CPPED1: variants seen among roughly 807,000 people sequenced by gnomAD.
CPPED1 encodes the protein serine/threonine-protein phosphatase CPPED1.
Under a neutral mutation model 28.0 loss-of-function variants are expected in CPPED1, and 28 were observed. The observed-to-expected ratio is 1.00, with a 90% CI of 0.74 to 1.37. CPPED1 has a LOEUF of 1.37. Among genes scored for constraint, CPPED1 ranks in the 40% most tolerant of loss-of-function variants. The pLI, the probability that CPPED1 is intolerant of heterozygous loss-of-function variation, is 0.00. For synonymous variants in CPPED1, 198 were observed against 180.2 expected, an observed-to-expected ratio of 1.10 and a Z score of -0.79; for missense variants, 504 against 416.5, an observed-to-expected ratio of 1.21 and a Z score of -1.83.
chr16:12,708,802 G>A (rs1004059896), intron 2 of CPPED1, among the ~76,000 whole-genome samples: 5 of 152,204 alleles, frequency 3.3e-5, no homozygotes, highest in African/African-American at 1.2e-4. Context: ...CATTGTGGCT[G>A]GGTGCAGTGG....
intron 2 of CPPED1, among the ~76,000 whole-genome samples, chr16:12,768,853 C>T (rs2080453819): frequency 6.6e-6 from 1 of 150,628 alleles, no homozygotes; most frequent in Non-Finnish European, 1.5e-5. Flanking sequence ...AACTCACTGC[C>T]ATTTTTTCTT....
At chr16:12,743,234 G>A (rs1254256586) in intron 2 of CPPED1, among the ~76,000 whole-genome samples, 1 of 152,068 alleles carries the variant, frequency 6.6e-6, no homozygotes, top group Non-Finnish European at 1.5e-5. Context: ...AGTCTTTTCT[G>A]CACAGAAAGA....
chr16:12,784,388 C>T (rs1266762211), intron 1 of CPPED1, among the ~76,000 whole-genome samples: 1 of 152,124 alleles, frequency 6.6e-6, no homozygotes, highest in African/African-American at 2.4e-5. Flanking sequence ...CTAAGCTGTA[C>T]CCAGATTCCT....
At chr16:12,729,149 A>C (rs1017131248) in intron 2 of CPPED1, among the ~76,000 whole-genome samples, 15 of 152,012 alleles carry the variant, frequency 9.9e-5, no homozygotes, top group Non-Finnish European at 5.9e-5. Context: ...AGCATATATC[A>C]TTAGTTCTTT....
intron 1 of CPPED1, among the ~76,000 whole-genome samples, chr16:12,791,826 T>C (rs1009539186): frequency 6.6e-6 from 1 of 152,222 alleles, no homozygotes; most frequent in Non-Finnish European, 1.5e-5. Context: ...GCTTTTATTA[T>C]TGAGTCTGGC....
chr16:12,737,443 T>C (rs1034452161), intron 2 of CPPED1, among the ~76,000 whole-genome samples: 8 of 152,032 alleles, frequency 5.3e-5, no homozygotes, highest in South Asian at 4.1e-4. Flanking sequence ...TGACAGGAGA[T>C]ACAGCAGGCA....
At chr16:12,761,545 C>G (rs922414191) in intron 2 of CPPED1, among the ~76,000 whole-genome samples, 2 of 152,048 alleles carry the variant, frequency 1.3e-5, no homozygotes, top group South Asian at 4.2e-4. Flanking sequence ...TTCTAGTAGC[C>G]GCTTAGGTTT....
intron 3 of CPPED1, among the ~76,000 whole-genome samples, chr16:12,688,116 A>C (rs1425739111): frequency 6.6e-6 from 1 of 151,012 alleles, no homozygotes; most frequent in Non-Finnish European, 1.5e-5. Flanking sequence ...TGCAGCCTCG[A>C]CCACCCCAGG....
chr16:12,756,086 G>A (rs1004192924), intron 2 of CPPED1, among the ~76,000 whole-genome samples: 2 of 151,040 alleles, frequency 1.3e-5, no homozygotes, highest in African/African-American at 2.5e-5. Flanking sequence ...AGCCAAGATC[G>A]CGCTACTGCA....
intron 2 of CPPED1, among the ~76,000 whole-genome samples, chr16:12,749,489 G>C (rs537432292): frequency 6.6e-6 from 1 of 152,266 alleles, no homozygotes; most frequent in African/African-American, 2.4e-5. Context: ...GTCTTCTACT[G>C]AAGTCTTAAA....
intron 3 of CPPED1, among the ~76,000 whole-genome samples, chr16:12,699,718 G>C (rs1014966119): frequency 6.6e-6 from 1 of 152,108 alleles, no homozygotes; most frequent in African/African-American, 2.4e-5. Context: ...ATGAGCTTTT[G>C]ACATATTTTT....
At chr16:12,787,214 A>T (rs7405332) in intron 1 of CPPED1, among the ~76,000 whole-genome samples, 107,043 of 151,994 alleles carry the variant, frequency 0.7, 38,930 homozygotes, top group African/African-American at 0.9. Flanking sequence ...AAGAAAAAAG[A>T]ATTGATTAAG....
chr16:12,710,169 G>T (rs149569253), intron 2 of CPPED1, among the ~76,000 whole-genome samples: 1 of 152,214 alleles, frequency 6.6e-6, no homozygotes, highest in African/African-American at 2.4e-5. Context: ...AATTAGCTTG[G>T]ATGCAAAGTA....
chr16:12,731,320 A>AT (rs2080196123), intron 2 of CPPED1, among the ~76,000 whole-genome samples: 1 of 150,860 alleles, frequency 6.6e-6, no homozygotes, highest in African/African-American at 2.4e-5. Context: ...CGCCTGGCTG[A>AT]TTTTTTGTAT....
At chr16:12,790,650 G>C (rs34325893) in intron 1 of CPPED1, among the ~76,000 whole-genome samples, 3,738 of 152,242 alleles carry the variant, frequency 0.025, 105 homozygotes, top group East Asian at 0.14. Flanking sequence ...GCCGGTCGCG[G>C]TGGCTCACGC....
At chr16:12,741,980 C>G (rs1454360580) in intron 2 of CPPED1, among the ~76,000 whole-genome samples, 1 of 152,014 alleles carries the variant, frequency 6.6e-6, no homozygotes, top group African/African-American at 2.4e-5. Flanking sequence ...GCGGGACAAT[C>G]GCTTGAACCT....
intron 2 of CPPED1, among the ~76,000 whole-genome samples, chr16:12,721,980 G>GT (rs912259863): frequency 1.3e-3 from 203 of 151,002 alleles, no homozygotes; most frequent in African/African-American, 4.2e-3. Flanking sequence ...TAGTAAGAAT[G>GT]TTTTTTTTTC....
intron 2 of CPPED1, among the ~76,000 whole-genome samples, chr16:12,722,467 G>T (rs2080146604): frequency 6.6e-6 from 1 of 152,208 alleles, no homozygotes; most frequent in South Asian, 2.1e-4. Context: ...GCTGGGCGCG[G>T]TGGCTCACGC....
At chr16:12,776,428 T>C (rs1449514636) in intron 2 of CPPED1, among the ~76,000 whole-genome samples, 1 of 152,246 alleles carries the variant, frequency 6.6e-6, no homozygotes, top group Non-Finnish European at 1.5e-5. Context: ...TGCTGTGGTC[T>C]CACTCAAATC....
Sources: gnomAD v4.1 joint callset for allele counts (sites outside exome capture counted in the v4.1 genomes callset) on GRCh38, gnomAD v4.1.1 for gene constraint, MANE v1.5 for transcripts, NCBI Gene and HGNC (gene_info 2026-07-23, HGNC 2026-07-21) for gene names.